Variants in CAST observed in about 807,000 individuals in gnomAD.
The protein encoded by CAST is calpastatin.
A neutral mutation model predicts 119.6 loss-of-function variants in CAST; 76 were observed. That is an observed-to-expected ratio of 0.64 (90% CI 0.53 to 0.77). The LOEUF is 0.77. Among genes scored for constraint, CAST ranks in the 30% least tolerant of loss-of-function variants. The pLI is 0.00. For synonymous variants in CAST, 319 were observed against 331.6 expected, an observed-to-expected ratio of 0.96 and a Z score of 0.41; for missense variants, 953 against 946.5, an observed-to-expected ratio of 1.01 and a Z score of -0.09.
the CAST span, among the ~76,000 whole-genome samples, chr5:96,150,931 C>T: frequency 3.3e-5 from 5 of 152,290 alleles, no homozygotes; most frequent in Non-Finnish European, 5.9e-5. Flanking sequence ...TTCCCCTCTT[C>T]TCCATCTGCT....
the CAST span, among the ~76,000 whole-genome samples, chr5:95,974,432 A>T: frequency 6.6e-6 from 1 of 152,228 alleles, no homozygotes; most frequent in Non-Finnish European, 1.5e-5. Flanking sequence ...TGTTGTTTTC[A>T]TCAAGTGTTT....
chr5:96,144,860 TG>T, the CAST span, among the ~76,000 whole-genome samples: 2 of 152,224 alleles, frequency 1.3e-5, no homozygotes, highest in South Asian at 2.1e-4. Context: ...TTTGTATTTT[TG>T]GTAGAGACGA....
chr5:96,201,807 C>T, the CAST span, among the ~76,000 whole-genome samples: 1 of 152,136 alleles, frequency 6.6e-6, no homozygotes, highest in Non-Finnish European at 1.5e-5. Context: ...CCCCAATCTA[C>T]TGTCCTGTCT....
the CAST span, among the ~76,000 whole-genome samples, chr5:96,002,042 A>G: frequency 1.3e-5 from 2 of 152,220 alleles, no homozygotes; most frequent in Non-Finnish European, 2.9e-5. Flanking sequence ...TATGTGAGTA[A>G]TGGAAATGTC....
At chr5:96,482,905 G>A in the CAST span, among the ~76,000 whole-genome samples, 1 of 152,168 alleles carries the variant, frequency 6.6e-6, no homozygotes, top group Non-Finnish European at 1.5e-5. Context: ...TTTGAGGTCA[G>A]ACAGACATGG....
the CAST span, among the ~76,000 whole-genome samples, chr5:96,244,430 A>T: frequency 1.3e-5 from 2 of 152,204 alleles, no homozygotes; most frequent in African/African-American, 2.4e-5. Context: ...ACCATAGTAG[A>T]ATTATCCGAC....
chr5:96,151,801 C>G, the CAST span, among the ~76,000 whole-genome samples: 2 of 152,186 alleles, frequency 1.3e-5, no homozygotes, highest in African/African-American at 4.8e-5. Context: ...ATAAATGCCT[C>G]CTTCACTGAA....
the CAST span, among the ~76,000 whole-genome samples, chr5:96,291,040 C>A: frequency 4.6e-5 from 7 of 152,316 alleles, no homozygotes; most frequent in African/African-American, 1.7e-4. Context: ...TTACAGAGAA[C>A]AACTGAGGCT....
At position 96,767,493 on chromosome 5, in the gene CAST, T is replaced by C. The variant is rs1351988499; in HGVS notation, c.2175+11T>C. On this transcript the variant is annotated intron_variant, in intron 28 of 31. Coordinates refer to ENST00000675179, the MANE Select transcript of CAST (RefSeq NM_001750.7). ...TCAGAGGATTCAAAGGTAAAGACCA[T>C]AGGAACATATTTCCATTAAATTTTG... The C allele has an allele frequency of 1.2e-6, 2 of 1,608,714 alleles. No homozygotes were observed. The highest frequency in any genetic ancestry group is 1.7e-5 in the Admixed American group (1 of 59,824).
At chr5:96,183,154 TAAATA>T in the CAST span, among the ~76,000 whole-genome samples, 2 of 101,410 alleles carry the variant, frequency 2.0e-5, no homozygotes, top group Non-Finnish European at 3.9e-5. Context: ...AGAAAAAAAA[TAAATA>T]AAATAATAAT....
chr5:96,616,793 C>CACACACATAT (rs1554070993), intron 1 of CAST, among the ~76,000 whole-genome samples: 2 of 140,944 alleles, frequency 1.4e-5, no homozygotes, highest in African/African-American at 5.6e-5. Context: ...CACACACACA[C>CACACACATAT]ACATATACAT....
At chr5:96,014,093 T>C in the CAST span, among the ~76,000 whole-genome samples, 1 of 152,052 alleles carries the variant, frequency 6.6e-6, no homozygotes, top group African/African-American at 2.4e-5. Context: ...ATTATACAGC[T>C]GTACAATAAT....
chr5:96,327,636 C>T, the CAST span, among the ~76,000 whole-genome samples: 3 of 152,166 alleles, frequency 2.0e-5, no homozygotes, highest in Admixed American at 1.3e-4. Context: ...TTTCAAGACA[C>T]TTAGAGACAT....
At chr5:96,465,578 T>C in the CAST span, among the ~76,000 whole-genome samples, 1 of 152,154 alleles carries the variant, frequency 6.6e-6, no homozygotes, top group Non-Finnish European at 1.5e-5. Context: ...TGTGATCATT[T>C]AATGCACTCA....
the CAST span, chr5:96,410,678 C>A: frequency 2.0e-6 from 2 of 1,004,622 alleles, no homozygotes; most frequent in African/African-American, 1.6e-5. Context: ...CAAGCTTAAG[C>A]GAATCAGTCG....
intron 3 of CAST, among the ~76,000 whole-genome samples, chr5:96,711,977 G>A (rs1756256654): frequency 6.6e-6 from 1 of 152,152 alleles, no homozygotes; most frequent in Non-Finnish European, 1.5e-5. Context: ...AAAATTAATA[G>A]TAAAATTAAA....
the CAST span, among the ~76,000 whole-genome samples, chr5:96,481,369 A>G: frequency 6.6e-6 from 1 of 152,184 alleles, no homozygotes; most frequent in Non-Finnish European, 1.5e-5. Flanking sequence ...AGCATTTTAA[A>G]TAAATATGTT....
At chr5:96,734,253 A>G (rs1371838371) in intron 9 of CAST, among the ~76,000 whole-genome samples, 1 of 152,162 alleles carries the variant, frequency 6.6e-6, no homozygotes, top group Non-Finnish European at 1.5e-5. Context: ...GCTGTGGAGA[A>G]CCCTAAGGTG....
chr5:96,086,692 C>T, the CAST span, among the ~76,000 whole-genome samples: 1 of 151,906 alleles, frequency 6.6e-6, no homozygotes, highest in African/African-American at 2.4e-5. Flanking sequence ...ATGTCCTGAG[C>T]TTTTTCTCAG....
Sources: allele counts gnomAD v4.1 joint callset (sites outside exome capture counted in the v4.1 genomes callset), GRCh38; gene constraint gnomAD v4.1.1; transcripts MANE v1.5; gene names NCBI Gene and HGNC (gene_info 2026-07-23, HGNC 2026-07-21).